ZNF831: variants seen among roughly 807,000 people sequenced by gnomAD.
ZNF831 encodes zinc finger protein 831, also known as chromosome 20 open reading frame 174.
Under a neutral mutation model 95.8 loss-of-function variants are expected in ZNF831, and 59 were observed. That is an observed-to-expected ratio of 0.62 (90% confidence interval 0.50 to 0.77). ZNF831 has a LOEUF of 0.77. Ranked by LOEUF, ZNF831 falls within the 30% of genes least tolerant of loss-of-function variation. The pLI, the probability that ZNF831 is intolerant of heterozygous loss-of-function variation, is 0.00. For missense variants in ZNF831, 2,205 were observed against 2,164.0 expected (o/e 1.02, Z -0.38); for synonymous variants, 961 against 925.5 (o/e 1.04, Z -0.70).
chr20:59,230,200 A>AT (rs565349709), intron 4 of ZNF831, among the ~76,000 whole-genome samples: 2 of 152,248 alleles, frequency 1.3e-5, no homozygotes, highest in African/African-American at 2.4e-5. Flanking sequence ...AGATAATTAA[A>AT]TTTTTTTTGT....
chr20:59,203,235 T>C (rs1352978671), intron 3 of ZNF831, among the ~76,000 whole-genome samples: 1 of 152,252 alleles, frequency 6.6e-6, no homozygotes, highest in African/African-American at 2.4e-5. Context: ...TATTTTTGTT[T>C]ATAAAGACAA....
At chr20:59,248,053 C>A (rs1457762449) in intron 4 of ZNF831, among the ~76,000 whole-genome samples, 1 of 152,216 alleles carries the variant, frequency 6.6e-6, no homozygotes, top group Non-Finnish European at 1.5e-5. Flanking sequence ...TGGCCTCTTC[C>A]TCTAAATGCA....
chr20:59,191,664 G>A lies in ZNF831; in HGVS notation c.645G>A (p.Glu215=), dbSNP rs183980006. 893 of 1,560,402 alleles carry A rather than the reference G, an allele frequency of 5.7e-4. 13 individuals are homozygous for A. In the African/African-American group the frequency reaches 0.011, roughly 18 times the overall value. Residue 215 remains glutamate, a synonymous_variant, in exon 2 of 6, where the codon GAG becomes GAA. Transcript: ENST00000371030. ...AGGGCGCCGGGGGCGGCCTCCTGGAGGAAGGGGACAAGGCCGGAGAGCCCC... is the reference window on the plus strand; with the variant it reads ...AGGGCGCCGGGGGCGGCCTCCTGGAAGAAGGGGACAAGGCCGGAGAGCCCC... The part of the protein sequence containing the change: ...ESEGAGGGLL[E]EGDKAGEPPR...
chr20:59,250,903 C>A, intron 4 of ZNF831, among the ~76,000 whole-genome samples: 1 of 151,650 alleles, frequency 6.6e-6, no homozygotes, highest in African/African-American at 2.4e-5. Context: ...ATCCAATAAC[C>A]CAATAAGGGC....
rs1439819415 is a variant in ZNF831 at position 59,254,430 on chromosome 20, C to T, written c.4721C>T (p.Pro1574Leu). 6.2e-7 allele frequency: 1 copy of T among 1,614,170 alleles called. No homozygotes were observed. The highest frequency in any genetic ancestry group is 8.5e-7 in the Non-Finnish European group (1 of 1,180,034). Reference sequence around the variant, plus strand: ...CATCTTGAAATACCAGCTTCAGGACCAAGTTCAGCTAGTTCACACCACAAG... The same window carrying T: ...CATCTTGAAATACCAGCTTCAGGACTAAGTTCAGCTAGTTCACACCACAAG... ...KTHLEIPASG[P>L]SSASSHHKEG... Residue 1574 changes from proline to leucine, a missense_variant, in exon 6 of 6, where the codon CCA becomes CTA. By Grantham distance (98) the Pro-to-Leu change is moderately conservative. Transcript: ENST00000371030. The surrounding 1 kb of genome is among the most constrained non-coding windows in gnomAD (Gnocchi z 4.5).
intron 1 of ZNF831, among the ~76,000 whole-genome samples, chr20:59,142,937 C>T (rs991118897): frequency 6.6e-6 from 1 of 152,116 alleles, no homozygotes; most frequent in Non-Finnish European, 1.5e-5. Flanking sequence ...CACTCTGTTG[C>T]CCAGGCTGGA....
Position 59,193,306 on chromosome 20 carries a change from C to T in ZNF831, c.2287C>T (p.Pro763Ser), listed in dbSNP as rs2146580854. Residue 763 changes from proline to serine, a missense_variant, in exon 2 of 6, where the codon CCA (proline) becomes TCA (serine). Transcript: ENST00000371030. ...GRLELGWQMP[P>S]APGPLKGGDV... ...GCTGGAACTGGGGTGGCAGATGCCC[C>T]CAGCACCTGGCCCCCTCAAAGGGGG... The T allele has an allele frequency of 6.2e-7, 1 of 1,611,902 alleles. No individual in the cohort carries two copies. Among genetic ancestry groups the T allele is most frequent in the Non-Finnish European group, 8.5e-7 (1 of 1,179,070 alleles).
At chr20:59,252,759 G>A (rs1265356197) in intron 4 of ZNF831, among the ~76,000 whole-genome samples, 2 of 151,854 alleles carry the variant, frequency 1.3e-5, no homozygotes, top group African/African-American at 4.8e-5. Context: ...TTTCTACTTT[G>A]AGAATTGGTT....
chr20:59,250,638 A>G lies in ZNF831; in HGVS notation c.4028-2340A>G, dbSNP rs541655288. Among the ~76,000 whole-genome samples the G allele has an allele frequency of 2.0e-5, 3 of 152,334 alleles. No individual in the cohort carries two copies. In the South Asian group the frequency reaches 6.2e-4, roughly 32 times the overall value. On this transcript the variant is annotated intron_variant, in intron 4 of 5. Coordinates refer to ENST00000371030, the MANE Select transcript of ZNF831 (RefSeq NM_178457.3). ...GACTATGTAGGGGGAGGCAAACTTC[A>G]ACAACGACAACAACAACAACCCATT...
chr20:59,221,248 G>A (rs756210568), intron 4 of ZNF831, among the ~76,000 whole-genome samples: 2 of 152,226 alleles, frequency 1.3e-5, no homozygotes, highest in Non-Finnish European at 2.9e-5. Context: ...CCAGCAGGGA[G>A]CTCGTAGGGA....
chr20:59,252,897 GTCATGGACAACC>G lies in ZNF831; in HGVS notation c.4028-78_4028-67del, dbSNP rs1454212037. On this transcript the variant is annotated intron_variant, in intron 4 of 5. Transcript: ENST00000371030. ...TAATGAGCTCAGAGGCGATCAAGAA[GTCATGGACAACC>G]TCCCAGGAAATTACTCTTTGCTAAT... 23 of 1,474,770 alleles carry G rather than the reference GTCATGGACAACC, an allele frequency of 1.6e-5. No homozygotes were observed. In the African/African-American group the frequency reaches 2.2e-4, roughly 14 times the overall value. 91.4% of individuals were successfully genotyped at this position (1,474,770 alleles called of 1,614,324 possible).
At chr20:59,154,388 G>A (rs889154174) in intron 2 of ZNF831, among the ~76,000 whole-genome samples, 1 of 152,168 alleles carries the variant, frequency 6.6e-6, no homozygotes, top group African/African-American at 2.4e-5. Flanking sequence ...TGAGCAGAAA[G>A]CACCATGAGA....
At chr20:59,159,069 A>T (rs960696034), upstream of ZNF831, among the ~76,000 whole-genome samples, 3 of 152,224 alleles carry the variant, frequency 2.0e-5, no homozygotes, top group Non-Finnish European at 2.9e-5. Flanking sequence ...ATTACAAAAA[A>T]TATCACATCA....
intron 4 of ZNF831, among the ~76,000 whole-genome samples, chr20:59,240,695 C>G (rs1052498300): frequency 6.6e-5 from 10 of 151,582 alleles, no homozygotes; most frequent in East Asian, 1.9e-4. Flanking sequence ...CCAGCTACTC[C>G]GGAGGCTGAG....
In ZNF831 at chr20:59,193,102, A is replaced by G. The variant is rs2146577143; in HGVS notation, c.2083A>G (p.Asn695Asp). Residue 695 changes from asparagine to aspartate, a missense_variant, in exon 2 of 6, where the codon AAT becomes GAT. Transcript: ENST00000371030. ...SAGATPEPWGNPPALEASLVT... is the reference protein window; with the variant it reads ...SAGATPEPWGDPPALEASLVT... ...AGGGGCAACGCCAGAGCCTTGGGGA[A>G]ATCCACCAGCCCTGGAGGCCTCCTT... 1 of 1,596,250 alleles carries G rather than the reference A, an allele frequency of 6.3e-7. No individual in the cohort carries two copies. The highest frequency in any genetic ancestry group is 8.5e-7 in the Non-Finnish European group (1 of 1,171,196).
chr20:59,135,249 G>T (rs562054590), intron 1 of ZNF831, among the ~76,000 whole-genome samples: 1 of 152,310 alleles, frequency 6.6e-6, no homozygotes, highest in East Asian at 1.9e-4. Context: ...GGAATAGCAT[G>T]TCTCAGCTGG....
At chr20:59,125,040 A>G (rs1979127951) in intron 1 of ZNF831, among the ~76,000 whole-genome samples, 1 of 152,146 alleles carries the variant, frequency 6.6e-6, no homozygotes, top group Non-Finnish European at 1.5e-5. Context: ...CTTCTGAAAA[A>G]AATTTCCTTA....
chr20:59,132,381 A>T (rs554840712), intron 1 of ZNF831, among the ~76,000 whole-genome samples: 1 of 150,784 alleles, frequency 6.6e-6, no homozygotes, highest in East Asian at 1.9e-4. Context: ...GTCAGGAAAA[A>T]TTTTCTAGAC....
At chr20:59,223,479 C>G (rs1054530504) in intron 4 of ZNF831, among the ~76,000 whole-genome samples, 2 of 152,100 alleles carry the variant, frequency 1.3e-5, no homozygotes, top group Non-Finnish European at 2.9e-5. Flanking sequence ...AGGAACGAGC[C>G]GGCAGCAGCC....
Sources: gnomAD v4.1 joint callset for allele counts (sites outside exome capture counted in the v4.1 genomes callset) on GRCh38, gnomAD v4.1.1 for gene constraint, Gnocchi (gnomAD v3.1) non-coding constraint, MANE v1.5 for transcripts, NCBI Gene and HGNC (gene_info 2026-07-23, HGNC 2026-07-21) for gene names.